The following PPP3R1 variants were observed in gnomAD, a reference collection of about 807,000 sequenced individuals.
PPP3R1 encodes the protein calcineurin subunit B type 1.
Under a neutral mutation model 22.6 loss-of-function variants are expected in PPP3R1, and 5 were observed. The ratio of observed to expected loss-of-function variants is 0.22; its 90% CI spans 0.12 to 0.46. The LOEUF is 0.46. Ranked by LOEUF, PPP3R1 falls within the 20% of genes least tolerant of loss-of-function variation. The pLI, the probability that PPP3R1 is intolerant of heterozygous loss-of-function variation, is 0.99. For missense variants in PPP3R1, 61 were observed against 203.2 expected (o/e 0.30, Z 4.25); for synonymous variants, 56 against 65.2 (o/e 0.86, Z 0.68).
intron 1 of PPP3R1, among the ~76,000 whole-genome samples, chr2:68,248,981 A>C (rs1172763515): frequency 1.3e-5 from 2 of 152,212 alleles, no homozygotes; most frequent in Admixed American, 1.3e-4. Flanking sequence ...AGAGCACAAC[A>C]ACCAGTAAAC....
intron 1 of PPP3R1, among the ~76,000 whole-genome samples, chr2:68,243,301 C>A (rs1336975761): frequency 1.3e-5 from 2 of 152,046 alleles, no homozygotes; most frequent in Non-Finnish European, 2.9e-5. Flanking sequence ...GTTATTCCTG[C>A]GCCAGACCTA....
intron 5 of PPP3R1, among the ~76,000 whole-genome samples, chr2:68,182,081 C>G (rs1182775058): frequency 1.6e-3 from 22 of 13,680 alleles, no homozygotes; most frequent in South Asian, 6.2e-3. Flanking sequence ...ACCCCCCCCT[C>G]CCCCCACCAC....
At chr2:68,226,633 T>C (rs1669786370) in intron 1 of PPP3R1, among the ~76,000 whole-genome samples, 1 of 152,162 alleles carries the variant, frequency 6.6e-6, no homozygotes, top group South Asian at 2.1e-4. Flanking sequence ...ATTCATCCCT[T>C]AGTCTCCTTC....
intron 2 of PPP3R1, among the ~76,000 whole-genome samples, chr2:68,198,292 CACATGT>C (rs1674855018): frequency 7.3e-6 from 1 of 137,722 alleles, no homozygotes; most frequent in Admixed American, 7.1e-5. Context: ...TATGTGTATA[CACATGT>C]ATACATGTAT....
At position 68,230,410 on chromosome 2, in the gene PPP3R1, T is replaced by C. The variant is rs932273469; in HGVS notation, c.4-13279A>G. On this transcript the variant is annotated intron_variant, in intron 1 of 5. Coordinates refer to ENST00000234310, the MANE Select transcript of PPP3R1 (RefSeq NM_000945.4). Reference sequence around the variant, plus strand: ...TAGAGCTTCCTTAGTGGTTGCTCTATGTACATTACACAGATAACTTTTCAC... The same window carrying C: ...TAGAGCTTCCTTAGTGGTTGCTCTACGTACATTACACAGATAACTTTTCAC... Among the ~76,000 whole-genome samples, 6 of 145,452 alleles carry C rather than the reference T, an allele frequency of 4.1e-5. No homozygotes were observed. The South Asian group carries it at 6.6e-4, about 16-fold the overall frequency.
chr2:68,248,992 G>A (rs1670286508), intron 1 of PPP3R1, among the ~76,000 whole-genome samples: 1 of 152,060 alleles, frequency 6.6e-6, no homozygotes, highest in Non-Finnish European at 1.5e-5. Context: ...ACCAGTAAAC[G>A]GCAGACAAAA....
Position 68,252,182 on chromosome 2 carries a change from T to C in PPP3R1, c.-55A>G. On this transcript the variant is annotated 5_prime_UTR_variant, in exon 1 of 6. Coordinates refer to ENST00000234310, the MANE Select transcript of PPP3R1 (RefSeq NM_000945.4). ...TCGCTGGCTCGGAGAAGTGTTGCGC[T>C]CAGGCTGGCTCGCAGGAAACGGCGG... 3 of 1,312,906 alleles carry C rather than the reference T, an allele frequency of 2.3e-6. No individual in the cohort carries two copies. The highest frequency in any genetic ancestry group is 3.0e-6 in the Non-Finnish European group (3 of 1,006,408). The allele number at this position is 1,312,906 out of a possible 1,614,324, so 81.3% of individuals were successfully genotyped here.
intron 1 of PPP3R1, among the ~76,000 whole-genome samples, chr2:68,227,664 T>C (rs1203513802): frequency 6.6e-6 from 1 of 151,988 alleles, no homozygotes; most frequent in Non-Finnish European, 1.5e-5. Flanking sequence ...ATCCAGCAAA[T>C]GTTTGAAGGC....
At chr2:68,229,669 T>C (rs1159907809) in intron 1 of PPP3R1, among the ~76,000 whole-genome samples, 3 of 152,178 alleles carry the variant, frequency 2.0e-5, no homozygotes, top group Non-Finnish European at 4.4e-5. Flanking sequence ...ACTGCTTTGT[T>C]ATGAGGTCTA....
At chr2:68,203,074 T>C (rs1675021203) in intron 2 of PPP3R1, among the ~76,000 whole-genome samples, 1 of 152,192 alleles carries the variant, frequency 6.6e-6, no homozygotes, top group Admixed American at 6.5e-5. Context: ...GTTCTTCTCG[T>C]CATTACTTAA....
At chr2:68,220,817 A>G (rs1189937641) in intron 1 of PPP3R1, among the ~76,000 whole-genome samples, 1 of 152,240 alleles carries the variant, frequency 6.6e-6, no homozygotes, top group Non-Finnish European at 1.5e-5. Flanking sequence ...AAATACACAG[A>G]AACAAAATGT....
intron 1 of PPP3R1, among the ~76,000 whole-genome samples, chr2:68,234,061 A>G (rs1553409058): frequency 6.6e-6 from 1 of 152,182 alleles, no homozygotes; most frequent in Non-Finnish European, 1.5e-5. Flanking sequence ...AAGAAGCTTA[A>G]GGCCGGGCAC....
Position 68,252,135 on chromosome 2 carries a change from G to C in PPP3R1, c.-8C>G, listed in dbSNP as rs1469007815. 1 of 1,435,950 alleles carries C rather than the reference G, an allele frequency of 7.0e-7. No homozygotes were observed. The allele number at this position is 1,435,950 out of a possible 1,614,324, so 89.0% of individuals were successfully genotyped here. On this transcript the variant is annotated 5_prime_UTR_variant, in exon 1 of 6. Coordinates refer to ENST00000234310, the MANE Select transcript of PPP3R1 (RefSeq NM_000945.4). ...AAGCCAAGGTCTCACCATTTTGCTC[G>C]GCGGGTCGGCGGCTCGCTGGCTCGC...
At chr2:68,190,663 T>C (rs1674647414) in intron 2 of PPP3R1, among the ~76,000 whole-genome samples, 2 of 152,182 alleles carry the variant, frequency 1.3e-5, no homozygotes, top group African/African-American at 4.8e-5. Flanking sequence ...TTAGGGGCTT[T>C]AAGAACCTCA....
chr2:68,250,905 G>A (rs1180999017), intron 1 of PPP3R1: 3 of 152,128 alleles, frequency 2.0e-5, no homozygotes, highest in African/African-American at 7.2e-5. Flanking sequence ...CCTCCCTTCA[G>A]TAATCCACCA....
chr2:68,242,189 G>C (rs914826153), intron 1 of PPP3R1, among the ~76,000 whole-genome samples: 3 of 152,214 alleles, frequency 2.0e-5, no homozygotes, highest in African/African-American at 7.2e-5. Flanking sequence ...AGCAATTTGG[G>C]AGGCTGAAGC....
chr2:68,205,662 T>C (rs1675104108), intron 2 of PPP3R1, among the ~76,000 whole-genome samples: 1 of 152,204 alleles, frequency 6.6e-6, no homozygotes, highest in Non-Finnish European at 1.5e-5. Flanking sequence ...AGTGATTTTG[T>C]AGATTTTTTA....
chr2:68,244,675 C>T (rs1209974445), intron 1 of PPP3R1, among the ~76,000 whole-genome samples: 1 of 152,114 alleles, frequency 6.6e-6, no homozygotes, highest in Non-Finnish European at 1.5e-5. Flanking sequence ...AAGAATATCC[C>T]CATCTTTCTC....
At chr2:68,217,260 A>AT (rs1669598243) in intron 1 of PPP3R1, 129 bp from the exon 2 acceptor site, 1 of 543,742 alleles carries the variant, frequency 1.8e-6, no homozygotes, top group African/African-American at 1.9e-5. Flanking sequence ...CCACATATAT[A>AT]AATTACATTT....
Sources: allele counts gnomAD v4.1 joint callset (sites outside exome capture counted in the v4.1 genomes callset), GRCh38; gene constraint gnomAD v4.1.1; transcripts MANE v1.5; gene names NCBI Gene and HGNC (gene_info 2026-07-23, HGNC 2026-07-21).